ASAP2: variants seen among roughly 807,000 people sequenced by gnomAD.
ASAP2 encodes arf-GAP with SH3 domain, ANK repeat and PH domain-containing protein 2.
A neutral mutation model predicts 131.4 loss-of-function variants in ASAP2; 45 were observed. The ratio of observed to expected loss-of-function variants is 0.34; its 90% CI spans 0.27 to 0.44. The LOEUF is 0.44. Among genes scored for constraint, ASAP2 ranks in the 20% least tolerant of loss-of-function variants. The pLI is 1.00. For missense variants in ASAP2, 1,011 were observed against 1,297.0 expected, an observed-to-expected ratio of 0.78 and a Z score of 3.39; for synonymous variants, 510 against 503.0, an observed-to-expected ratio of 1.01 and a Z score of -0.19.
chr2:9,269,294 G>T (rs574628037), intron 1 of ASAP2, among the ~76,000 whole-genome samples: 39 of 152,156 alleles, frequency 2.6e-4, no homozygotes, highest in African/African-American at 8.9e-4. Flanking sequence ...TAATTAATTT[G>T]GGTTCAGTTG....
chr2:9,395,520 A>G (rs981854244), intron 24 of ASAP2, among the ~76,000 whole-genome samples: 13 of 151,034 alleles, frequency 8.6e-5, no homozygotes, highest in Admixed American at 7.3e-4. Flanking sequence ...ACCATGGCCC[A>G]CATCTGTAAT....
intron 1 of ASAP2, among the ~76,000 whole-genome samples, chr2:9,263,828 A>G (rs569908366): frequency 1.1e-4 from 17 of 152,266 alleles, no homozygotes; most frequent in Non-Finnish European, 1.6e-4. Context: ...TCATCAGCTG[A>G]GGGCACAGTT....
At chr2:9,341,720 CTT>C (rs1671590620) in intron 9 of ASAP2, among the ~76,000 whole-genome samples, 1 of 152,172 alleles carries the variant, frequency 6.6e-6, no homozygotes, top group Non-Finnish European at 1.5e-5. Context: ...CTCCACATTC[CTT>C]CCACAGCATT....
At chr2:9,400,188 C>A in intron 25 of ASAP2, 116 bp downstream of exon 25, 1 of 1,099,380 alleles carries the variant, frequency 9.1e-7, no homozygotes, top group Non-Finnish European at 1.3e-6. Flanking sequence ...TGCCATTCCA[C>A]AGCCCTCCTG....
chr2:9,291,276 C>T (rs1667788577), intron 2 of ASAP2, among the ~76,000 whole-genome samples: 3 of 152,172 alleles, frequency 2.0e-5, no homozygotes, highest in Admixed American at 1.3e-4. Context: ...GAATGATACA[C>T]ATTAGTAAAT....
intron 5 of ASAP2, among the ~76,000 whole-genome samples, chr2:9,321,536 A>G (rs1166005261): frequency 1.3e-5 from 2 of 152,124 alleles, no homozygotes; most frequent in African/African-American, 2.4e-5. Context: ...TGCTTTGCAG[A>G]GGGAAAACCA....
rs932272458 is a variant in ASAP2 at position 9,207,440 on chromosome 2, C to T, written c.126+210C>T. ...CACCTTGGGCCTCTTTAAGACCTCC[C>T]CTCTCTCGGCCTCGTGGCCCTCGCG... On this transcript the variant is annotated intron_variant, in intron 1 of 27. Transcript: ENST00000281419. The surrounding 1 kb of genome is among the most constrained non-coding windows in gnomAD (Gnocchi z 4.1). Among the ~76,000 whole-genome samples, 1 of 152,168 alleles carries T rather than the reference C, an allele frequency of 6.6e-6. No homozygotes were observed. Among genetic ancestry groups the T allele is most frequent in the Non-Finnish European group, 1.5e-5 (1 of 68,016 alleles).
At chr2:9,245,096 CT>C (rs140252961) in intron 1 of ASAP2, among the ~76,000 whole-genome samples, 2,766 of 152,270 alleles carry the variant, frequency 0.018, 37 homozygotes, top group Non-Finnish European at 0.029. Context: ...GGGCAAGTCA[CT>C]TTGATACCCA....
intron 1 of ASAP2, among the ~76,000 whole-genome samples, chr2:9,262,778 G>A (rs1449947687): frequency 1.3e-5 from 2 of 152,222 alleles, no homozygotes; most frequent in African/African-American, 2.4e-5. Flanking sequence ...CTGGCATGCC[G>A]ACTGGGACAG....
At chr2:9,317,178 CAA>C (rs1669765081) in intron 3 of ASAP2, among the ~76,000 whole-genome samples, 1 of 127,690 alleles carries the variant, frequency 7.8e-6, no homozygotes, top group African/African-American at 4.3e-5. Flanking sequence ...TCACCACACT[CAA>C]CACACACCCC....
intron 20 of ASAP2, among the ~76,000 whole-genome samples, chr2:9,381,297 C>CAA (rs1237529971): frequency 1.3e-5 from 2 of 152,232 alleles, no homozygotes; most frequent in Admixed American, 6.5e-5. Flanking sequence ...CTGGCCTTGC[C>CAA]GGGGGCTCCC....
chr2:9,282,450 G>A (rs911870309), intron 2 of ASAP2, among the ~76,000 whole-genome samples: 21 of 152,294 alleles, frequency 1.4e-4, no homozygotes, highest in African/African-American at 4.3e-4. Flanking sequence ...TTAGTAGCAC[G>A]TTCTTTTGCA....
In ASAP2 at chr2:9,217,312, GTTC is replaced by G. The variant is rs1458970024; in HGVS notation, c.126+10088_126+10090del. Among the ~76,000 whole-genome samples, 2 of 152,196 alleles carry G rather than the reference GTTC, an allele frequency of 1.3e-5. No individual in the cohort carries two copies. The highest frequency in any genetic ancestry group is 2.4e-5 in the African/African-American group (1 of 41,440). On this transcript the variant is annotated intron_variant, in intron 1 of 27. Coordinates refer to ENST00000281419, the MANE Select transcript of ASAP2 (RefSeq NM_003887.3). This position sits in a 1 kb window ranked among gnomAD's most constrained non-coding sequence, Gnocchi z 4.0. ...ATCTGTCCTCCTTGCTGCAGAAATT[GTTC>G]TTCTTTCCTCTCCTCACTGCTCTGC...
chr2:9,377,079 T>A, intron 18 of ASAP2, 86 bp downstream of exon 18: 1 of 1,225,362 alleles, frequency 8.2e-7, no homozygotes, highest in South Asian at 1.3e-5. Context: ...TCGCTTCTGA[T>A]GTGTTGTCAG....
chr2:9,290,024 C>T (rs984949663), intron 2 of ASAP2, among the ~76,000 whole-genome samples: 2 of 152,070 alleles, frequency 1.3e-5, no homozygotes, highest in Non-Finnish European at 2.9e-5. Flanking sequence ...TCATCCTGCA[C>T]GGGAGCTCTC....
chr2:9,358,114 C>T (rs769174246), intron 14 of ASAP2, among the ~76,000 whole-genome samples: 9 of 152,104 alleles, frequency 5.9e-5, no homozygotes, highest in Non-Finnish European at 7.3e-5. Context: ...CACTCCCTGG[C>T]GACCTCGAGC....
intron 24 of ASAP2, among the ~76,000 whole-genome samples, chr2:9,394,097 C>T (rs1212297657): frequency 6.6e-6 from 1 of 151,912 alleles, no homozygotes; most frequent in African/African-American, 2.4e-5. Flanking sequence ...TCCTTAGACC[C>T]AGGTCAAGCT....
chr2:9,330,685 A>G (rs560509939), intron 7 of ASAP2, among the ~76,000 whole-genome samples: 83 of 152,300 alleles, frequency 5.4e-4, no homozygotes, highest in African/African-American at 1.9e-3. Flanking sequence ...TTACTTCTAC[A>G]GTTCTTATGT....
chr2:9,250,026 TTACTTGGAATATTTACTTACTCACTTG>T (rs1664600800), intron 1 of ASAP2, among the ~76,000 whole-genome samples: 1 of 152,260 alleles, frequency 6.6e-6, no homozygotes, highest in Admixed American at 6.5e-5. Flanking sequence ...TTCCATTTTC[TTACTTGGAATATTTACTTACTCACTTG>T]AGTTTCAGTT....
Sources: allele counts gnomAD v4.1 joint callset (sites outside exome capture counted in the v4.1 genomes callset), GRCh38; gene constraint gnomAD v4.1.1; non-coding constraint Gnocchi (gnomAD v3.1); transcripts MANE v1.5; gene names NCBI Gene and HGNC (gene_info 2026-07-23, HGNC 2026-07-21).